MCTP1: variants seen among roughly 807,000 people sequenced by gnomAD.
MCTP1 encodes multiple C2 and transmembrane domain containing 1, also known as multiple C2 and transmembrane domain-containing protein 1.
In MCTP1, 69 loss-of-function variants were observed where a neutral mutation model predicts 120.6. That is an observed-to-expected ratio of 0.57 (90% CI 0.47 to 0.70). MCTP1 has a LOEUF of 0.70. MCTP1 is among the 30% of genes least tolerant of loss of function. The probability of loss-of-function intolerance (pLI) is 0.00; values close to 1 mark genes in which losing one functional copy is unlikely to be tolerated. For missense variants in MCTP1, 1,203 were observed against 1,248.8 expected, an observed-to-expected ratio of 0.96 and a Z score of 0.55; for synonymous variants, 529 against 493.1, an observed-to-expected ratio of 1.07 and a Z score of -0.96.
intron 1 of MCTP1, among the ~76,000 whole-genome samples, chr5:95,230,477 G>T (rs919257004): frequency 2.0e-5 from 3 of 151,962 alleles, no homozygotes; most frequent in Admixed American, 2.0e-4. Context: ...TTCTGCTTTT[G>T]GTCCTTAAAA....
At chr5:94,852,431 T>C (rs1369076284) in intron 17 of MCTP1, among the ~76,000 whole-genome samples, 1 of 151,934 alleles carries the variant, frequency 6.6e-6, no homozygotes, top group Non-Finnish European at 1.5e-5. Flanking sequence ...CATAGCATAA[T>C]TATAAACCAT....
chr5:95,087,751 T>C (rs771584966), intron 1 of MCTP1, among the ~76,000 whole-genome samples: 4 of 152,086 alleles, frequency 2.6e-5, no homozygotes, highest in Non-Finnish European at 4.4e-5. Context: ...GGCCTTCCCT[T>C]TTGTGGCTCT....
intron 17 of MCTP1, among the ~76,000 whole-genome samples, chr5:94,857,698 G>A (rs1026150944): frequency 5.9e-5 from 9 of 151,680 alleles, no homozygotes; most frequent in Non-Finnish European, 1.2e-4. Context: ...GCTTAAGGAT[G>A]TCAAAGCATT....
chr5:94,977,854 G>A (rs955850023), intron 2 of MCTP1, among the ~76,000 whole-genome samples: 5 of 151,878 alleles, frequency 3.3e-5, no homozygotes, highest in African/African-American at 1.2e-4. Flanking sequence ...CTATAAAACA[G>A]GGAAAAACCT....
intron 1 of MCTP1, among the ~76,000 whole-genome samples, chr5:95,093,297 T>C (rs1388351216): frequency 6.6e-6 from 1 of 152,178 alleles, no homozygotes; most frequent in African/African-American, 2.4e-5. Flanking sequence ...GATTACACCC[T>C]AATGAAGAAA....
chr5:94,843,987 C>G (rs1471636545), intron 17 of MCTP1, among the ~76,000 whole-genome samples: 1 of 152,002 alleles, frequency 6.6e-6, no homozygotes, highest in Non-Finnish European at 1.5e-5. Flanking sequence ...GAATAGACAC[C>G]AAGTACCAAA....
At chr5:94,983,453 T>C (rs1829850379) in intron 2 of MCTP1, among the ~76,000 whole-genome samples, 1 of 152,190 alleles carries the variant, frequency 6.6e-6, no homozygotes, top group Admixed American at 6.5e-5. Flanking sequence ...TTCTTTCTTA[T>C]AAATGGTATC....
rs180844930 is a variant in MCTP1 at position 95,053,155 on chromosome 5, T to C, written c.721-35671A>G. ...GGAAATAAAACATACTTTGGAGAAG[T>C]ACAGACGGAAGCTTGAAGTGACAAT... On this transcript the variant is annotated intron_variant, in intron 1 of 22. Coordinates refer to ENST00000515393, the MANE Select transcript of MCTP1 (RefSeq NM_024717.7). Among the ~76,000 whole-genome samples the C allele has an allele frequency of 8.5e-5, 13 of 152,316 alleles. No homozygotes were observed. The East Asian group carries it at 2.1e-3, about 25-fold the overall frequency.
rs1758469696 is a variant in MCTP1 at position 94,714,779 on chromosome 5, C to G, written c.2718G>C (p.Lys906Asn). Residue 906 changes from lysine (K) to asparagine (N), a missense_variant and splice_region_variant, in exon 20 of 23, where the codon AAG (lysine) becomes AAC (asparagine). Physicochemically the swap from Lys to Asn is moderately conservative, Grantham distance 94 (BLOSUM62 0). Coordinates refer to ENST00000515393, the MANE Select transcript of MCTP1 (RefSeq NM_024717.7). ...DEVASFGERI[K>N]NTFNWTVPFL... ...GCTCACAGGTCACCGTCACTCACTT[C>G]TTTATCCTTTCGCCAAAGGAAGCCA... The G allele has an allele frequency of 3.2e-6, 5 of 1,569,976 alleles. No homozygotes were observed. The highest frequency in any genetic ancestry group is 4.4e-6 in the Non-Finnish European group (5 of 1,139,890).
intron 2 of MCTP1, among the ~76,000 whole-genome samples, chr5:94,977,706 T>C (rs377529477): frequency 6.6e-6 from 1 of 152,078 alleles, no homozygotes; most frequent in South Asian, 2.1e-4. Context: ...GAATACAAAA[T>C]AGGGAAAGGA....
At chr5:95,054,018 G>C (rs979631293) in intron 1 of MCTP1, among the ~76,000 whole-genome samples, 1 of 152,168 alleles carries the variant, frequency 6.6e-6, no homozygotes, top group Non-Finnish European at 1.5e-5. Flanking sequence ...ACACTGAGCT[G>C]CTCAGTGAAC....
At chr5:95,208,103 G>T (rs138210573) in intron 1 of MCTP1, among the ~76,000 whole-genome samples, 1 of 152,156 alleles carries the variant, frequency 6.6e-6, no homozygotes, top group African/African-American at 2.4e-5. Flanking sequence ...TGTTGTTGTT[G>T]TTTGAGAGGA....
chr5:95,155,979 T>C (rs1745076407), intron 1 of MCTP1, among the ~76,000 whole-genome samples: 1 of 152,204 alleles, frequency 6.6e-6, no homozygotes, highest in African/African-American at 2.4e-5. Context: ...GGTGGCCACA[T>C]GGCTAGGACC....
chr5:95,162,321 T>C (rs1300128317), intron 1 of MCTP1, among the ~76,000 whole-genome samples: 1 of 152,138 alleles, frequency 6.6e-6, no homozygotes, highest in Non-Finnish European at 1.5e-5. Flanking sequence ...ACAACAAAAG[T>C]TGTATTTTTG....
chr5:94,744,455 G>A (rs752341660), intron 19 of MCTP1, among the ~76,000 whole-genome samples: 12 of 152,068 alleles, frequency 7.9e-5, no homozygotes, highest in Non-Finnish European at 1.6e-4. Flanking sequence ...CCCTGCTGGC[G>A]TTATGCAAAC....
intron 17 of MCTP1, among the ~76,000 whole-genome samples, chr5:94,831,119 A>G (rs1262534429): frequency 6.6e-6 from 1 of 152,230 alleles, no homozygotes; most frequent in East Asian, 1.9e-4. Context: ...ACTGAAGTGC[A>G]GGGTCAAGAA....
At chr5:94,862,324 C>A (rs559656743) in intron 17 of MCTP1, among the ~76,000 whole-genome samples, 62 of 151,838 alleles carry the variant, frequency 4.1e-4, no homozygotes, top group African/African-American at 1.4e-3. Flanking sequence ...CAGAGAGTAG[C>A]AGACCCTGTG....
chr5:95,005,773 T>A (rs115660635), intron 2 of MCTP1, among the ~76,000 whole-genome samples: 65 of 136,622 alleles, frequency 4.8e-4, no homozygotes, highest in African/African-American at 1.8e-3. Context: ...TTTCTTTATT[T>A]TTTTTTTTTT....
In MCTP1 at chr5:94,923,977, C is replaced by T. The variant is rs72775394; in HGVS notation, c.1257G>A (p.Lys419=). ...NEVVGSYFSV[K]SLFWRTCGRP... ...TAGACATTACCCTCCAAAAGAGAGA[C>T]TTCACAGAGAAATAAGATCCAACCA... is the stretch of plus-strand genomic sequence containing the variant. The change falls in exon 7 of 23, where the codon AAG becomes AAA. Residue 419 remains lysine, a synonymous_variant. Coordinates refer to ENST00000515393, the MANE Select transcript of MCTP1 (RefSeq NM_024717.7). 0.06 allele frequency: 91,585 copies of T among 1,519,690 alleles called. 3,395 individuals carry two copies. The highest frequency in any genetic ancestry group is 0.083 in the Middle Eastern group (485 of 5,822). 94.1% of individuals were successfully genotyped at this position (1,519,690 alleles called of 1,614,324 possible). A position where few individuals can be genotyped will look rare whatever the true frequency, so the allele number is the denominator to read the frequency against.
Sources: allele counts gnomAD v4.1 joint callset (sites outside exome capture counted in the v4.1 genomes callset), GRCh38; gene constraint gnomAD v4.1.1; transcripts MANE v1.5; gene names NCBI Gene and HGNC (gene_info 2026-07-23, HGNC 2026-07-21).